Variants in KCNIP4 observed in about 807,000 individuals in gnomAD.
KCNIP4 encodes the protein potassium voltage-gated channel interacting protein 4, also known as Kv channel-interacting protein 4.
Under a neutral mutation model 34.0 loss-of-function variants are expected in KCNIP4, and 12 were observed. The ratio of observed to expected loss-of-function variants is 0.35; its 90% confidence interval spans 0.23 to 0.57. The LOEUF (loss-of-function observed/expected upper bound fraction) is 0.57. KCNIP4 is among the 20% of genes least tolerant of loss of function. KCNIP4 has a pLI of 0.83. For missense variants in KCNIP4, 238 were observed against 311.7 expected (o/e 0.76, Z 1.78); for synonymous variants, 124 against 102.2 (o/e 1.21, Z -1.29).
chr4:21,712,930 T>G (rs2109079308), intron 1 of KCNIP4, among the ~76,000 whole-genome samples: 1 of 152,324 alleles, frequency 6.6e-6, no homozygotes, highest in South Asian at 2.1e-4. Flanking sequence ...GACCATCTTC[T>G]TCCTCCCTGT....
intron 1 of KCNIP4, among the ~76,000 whole-genome samples, chr4:21,354,068 A>G (rs901186436): frequency 6.6e-6 from 1 of 152,180 alleles, no homozygotes. Flanking sequence ...AGTGTGGGAG[A>G]AACAAAATTC....
intron 1 of KCNIP4, among the ~76,000 whole-genome samples, chr4:21,438,687 A>G (rs969939351): frequency 4.6e-5 from 7 of 152,238 alleles, no homozygotes; most frequent in Non-Finnish European, 8.8e-5. Flanking sequence ...ACTTGTAAAT[A>G]AAATTAATTC....
intron 1 of KCNIP4, among the ~76,000 whole-genome samples, chr4:21,755,917 A>C (rs570587419): frequency 6.6e-6 from 1 of 152,300 alleles, no homozygotes; most frequent in Non-Finnish European, 1.5e-5. Context: ...GTATTGATAT[A>C]ATAAATTGCA....
rs370302696 is a variant in KCNIP4, at chr4:21,180,277, G to A, written c.62-297568C>T. On this transcript the variant is annotated intron_variant, in intron 1 of 8. Coordinates refer to ENST00000382152, the MANE Select transcript of KCNIP4 (RefSeq NM_025221.6). ...ATTCCAGATTAATAACATGAATCAAGCTTCTAGTACTAGAGTTTATGACTA... is the reference window on the plus strand; with the variant it reads ...ATTCCAGATTAATAACATGAATCAAACTTCTAGTACTAGAGTTTATGACTA... 1.3e-4 allele frequency among the ~76,000 whole-genome samples: 20 copies of A among 152,134 alleles called. No individual in the cohort carries two copies. In the East Asian group the frequency reaches 3.7e-3, roughly 28 times the overall value.
chr4:21,694,933 A>AAAAAAT (rs1553921799), intron 1 of KCNIP4, among the ~76,000 whole-genome samples: 1 of 61,458 alleles, frequency 1.6e-5, no homozygotes, highest in African/African-American at 4.3e-5. Context: ...AAAAAAAATA[A>AAAAAAT]AAATAAATAA....
chr4:20,792,860 A>G (rs1712959073), intron 3 of KCNIP4, among the ~76,000 whole-genome samples: 1 of 152,222 alleles, frequency 6.6e-6, no homozygotes, highest in African/African-American at 2.4e-5. Flanking sequence ...TTAGAAATAA[A>G]TTCAGTGGTT....
chr4:21,391,084 A>T (rs983888976), intron 1 of KCNIP4, among the ~76,000 whole-genome samples: 22 of 152,064 alleles, frequency 1.4e-4, no homozygotes, highest in Admixed American at 1.4e-3. Flanking sequence ...GCATCTTTTC[A>T]TGTGCTTATT....
chr4:21,941,412 G>T (rs940859220), intron 1 of KCNIP4, among the ~76,000 whole-genome samples: 1 of 151,754 alleles, frequency 6.6e-6, no homozygotes, highest in African/African-American at 2.4e-5. Context: ...TCACTCAAAA[G>T]CTCCTTCAGA....
At chr4:21,051,868 G>A (rs1282695489) in intron 1 of KCNIP4, among the ~76,000 whole-genome samples, 2 of 152,146 alleles carry the variant, frequency 1.3e-5, no homozygotes, top group East Asian at 3.9e-4. Context: ...GTAAGATTTA[G>A]GCTGCAAGAG....
In KCNIP4 at chr4:21,448,501, T is replaced by C. The variant is rs140422580; in HGVS notation, c.61+500070A>G. 4.1e-3 allele frequency among the ~76,000 whole-genome samples: 618 copies of C among 152,198 alleles called. 2 individuals carry two copies. The highest frequency in any genetic ancestry group is 6.0e-3 in the Non-Finnish European group (407 of 68,014). ...TTAGCTGAGAATATTTCTAAGCAAATTGTTGAATATATGGCCTGATTTCTT... is the reference window on the plus strand; with the variant it reads ...TTAGCTGAGAATATTTCTAAGCAAACTGTTGAATATATGGCCTGATTTCTT... On this transcript the variant is annotated intron_variant, in intron 1 of 8. Transcript: ENST00000382152.
In KCNIP4 at chr4:21,701,313, C is replaced by T. The variant is rs192524776; in HGVS notation, c.61+247258G>A. 2.6e-4 allele frequency among the ~76,000 whole-genome samples: 39 copies of T among 152,198 alleles called. No individual in the cohort carries two copies. In the East Asian group the frequency reaches 4.6e-3, roughly 18 times the overall value. The stretch of plus-strand genomic sequence containing the variant: ...CAAAGGTTACAAAGTTTCAGCTAAA[C>T]GGGAGGAATACATTTTATTGATCAA... On this transcript the variant is annotated intron_variant, in intron 1 of 8. Transcript: ENST00000382152.
intron 1 of KCNIP4, among the ~76,000 whole-genome samples, chr4:21,006,235 C>G (rs1383307330): frequency 1.3e-5 from 2 of 152,114 alleles, no homozygotes; most frequent in African/African-American, 2.4e-5. Flanking sequence ...GAAATGGACA[C>G]TAAAGAATAA....
At chr4:21,003,266 T>G (rs1236668686) in intron 1 of KCNIP4, among the ~76,000 whole-genome samples, 1 of 152,176 alleles carries the variant, frequency 6.6e-6, no homozygotes, top group Non-Finnish European at 1.5e-5. Context: ...AACGTCTATC[T>G]TCCCGGAACT....
intron 3 of KCNIP4, among the ~76,000 whole-genome samples, chr4:20,819,019 G>A (rs765251826): frequency 6.7e-6 from 1 of 149,892 alleles, no homozygotes; most frequent in Admixed American, 6.7e-5. Flanking sequence ...TGAGTAGCTG[G>A]GGTTACAGGC....
chr4:21,732,248 C>T (rs1715660465), intron 1 of KCNIP4, among the ~76,000 whole-genome samples: 1 of 151,860 alleles, frequency 6.6e-6, no homozygotes, highest in Non-Finnish European at 1.5e-5. Flanking sequence ...TGCTTGAAGA[C>T]CTTTTCAGTG....
At position 21,589,151 on chromosome 4, in the gene KCNIP4, G is replaced by GGT. The variant is rs200800063; in HGVS notation, c.61+359418_61+359419dup. ...AGTGCTGTAGGGGCACAAAAATGGA[G>GGT]GTGTGTATATATATATATATATATA... is the stretch of plus-strand genomic sequence containing the variant. On this transcript the variant is annotated intron_variant, in intron 1 of 8. Coordinates refer to ENST00000382152, the MANE Select transcript of KCNIP4 (RefSeq NM_025221.6). Among the ~76,000 whole-genome samples, 390 of 93,118 alleles carry GGT rather than the reference G, an allele frequency of 4.2e-3. 3 individuals are homozygous for GGT. The highest frequency in any genetic ancestry group is 8.5e-3 in the Middle Eastern group (1 of 118). The allele number at this position is 93,118 out of a possible 152,430, so 61.1% of individuals were successfully genotyped here.
intron 1 of KCNIP4, among the ~76,000 whole-genome samples, chr4:21,726,596 T>G (rs2109103668): frequency 6.6e-6 from 1 of 152,296 alleles, no homozygotes; most frequent in East Asian, 1.9e-4. Flanking sequence ...TCAGGAAATG[T>G]TTGCTAAGAC....
chr4:21,220,484 A>G (rs1560185226), intron 1 of KCNIP4, among the ~76,000 whole-genome samples: 3 of 152,144 alleles, frequency 2.0e-5, no homozygotes, highest in Non-Finnish European at 2.9e-5. Context: ...GGTGCAGCAC[A>G]CCAACATGGC....
chr4:21,532,258 T>C (rs1736743354), intron 1 of KCNIP4, among the ~76,000 whole-genome samples: 1 of 152,158 alleles, frequency 6.6e-6, no homozygotes, highest in Non-Finnish European at 1.5e-5. Flanking sequence ...TAATAATTAT[T>C]ACATAAGACC....
Sources: allele counts gnomAD v4.1 joint callset (sites outside exome capture counted in the v4.1 genomes callset), GRCh38; gene constraint gnomAD v4.1.1; transcripts MANE v1.5; gene names NCBI Gene and HGNC (gene_info 2026-07-23, HGNC 2026-07-21).